The following CUX1 variants were observed in gnomAD, a reference collection of about 807,000 sequenced individuals.
CUX1 encodes protein CASP.
A neutral mutation model predicts 158.8 loss-of-function variants in CUX1; 31 were observed. That is an observed-to-expected ratio of 0.20 (90% CI 0.15 to 0.26). CUX1 has a LOEUF of 0.26. Ranked by LOEUF, CUX1 falls within the 10% of genes least tolerant of loss-of-function variation. The pLI is 1.00. For synonymous variants in CUX1, 879 were observed against 862.1 expected, an observed-to-expected ratio of 1.02 and a Z score of -0.34; for missense variants, 1,589 against 2,014.6, an observed-to-expected ratio of 0.79 and a Z score of 4.04.
At chr7:102,234,279 A>G in intron 22 of CUX1, 39 bp downstream of exon 22, 1 of 1,450,722 alleles carries the variant, frequency 6.9e-7, no homozygotes, top group Non-Finnish European at 9.1e-7. Flanking sequence ...CTGCGTCCGC[A>G]TTCATAGACA....
In CUX1 at chr7:102,202,083, C is replaced by T. The variant is rs782186777; in HGVS notation, c.2786C>T (p.Pro929Leu). The part of the protein sequence containing the change: ...MSKPTKPSVP[P>L]LTPEQYEVYM... ...AAGCCCACCAAGCCCTCGGTCCCCC[C>T]GCTGACCCCCGAGCAGTACGAGGTC... The change falls in exon 18 of 24, where the codon CCG becomes CTG. Residue 929 changes from proline (P) to leucine (L), a missense_variant. Pro to Leu is a moderately conservative substitution (Grantham distance 98). Transcript: ENST00000292535. 46 of 1,614,002 alleles carry T rather than the reference C, an allele frequency of 2.9e-5. No homozygotes were observed. Among genetic ancestry groups the T allele is most frequent in the Admixed American group, 1.2e-4 (7 of 59,986 alleles).
chr7:101,911,717 G>T (rs1195899173), intron 1 of CUX1, among the ~76,000 whole-genome samples: 1 of 152,208 alleles, frequency 6.6e-6, no homozygotes, highest in Non-Finnish European at 1.5e-5. Context: ...ACACCCACTT[G>T]CTGAGTCTAC....
At chr7:101,818,823 G>C (rs1483266121) in intron 1 of CUX1, 1 of 152,220 alleles carries the variant, frequency 6.6e-6, no homozygotes, top group Non-Finnish European at 1.5e-5. Context: ...GATAGTCAGT[G>C]AGTCAATAGA....
At chr7:102,163,910 G>A (rs113570926) in intron 9 of CUX1, among the ~76,000 whole-genome samples, 5 of 152,300 alleles carry the variant, frequency 3.3e-5, no homozygotes, top group Admixed American at 2.0e-4. Context: ...CTCGTTTATT[G>A]CTCAACCACT....
In CUX1 at chr7:102,248,954, G is replaced by A. The variant is rs782486725; in HGVS notation, c.4430G>A (p.Arg1477His). Residue 1477 changes from arginine (R) to histidine (H), a missense_variant, in exon 24 of 24, where the codon CGC becomes CAC. Physicochemically the swap from Arg to His is conservative, Grantham distance 29 (BLOSUM62 0). This residue lies in a region of CUX1 where 344 missense variants were observed against 323.7 expected (regional missense o/e 1.06). Coordinates refer to ENST00000292535, the MANE Select transcript of CUX1 (RefSeq NM_181552.4). This position sits in a 1 kb window ranked among gnomAD's most constrained non-coding sequence, Gnocchi z 5.8. ...GARDSRDNPL[R>H]KKKAANLNSI... The stretch of plus-strand genomic sequence containing the variant: ...CGGGACTCGCGCGACAACCCCCTGC[G>A]CAAGAAGAAGGCCGCGAACTTGAAC... 5 of 1,486,926 alleles carry A rather than the reference G, an allele frequency of 3.4e-6. No homozygotes were observed. In the South Asian group the frequency reaches 5.0e-5, roughly 15 times the overall value. The allele number at this position is 1,486,926 out of a possible 1,614,324, so 92.1% of individuals were successfully genotyped here.
chr7:101,899,837 C>T (rs1023226665), intron 1 of CUX1, among the ~76,000 whole-genome samples: 2 of 152,102 alleles, frequency 1.3e-5, no homozygotes, highest in African/African-American at 4.8e-5. Context: ...AGGGGGCCAT[C>T]GAGCATGGTG....
chr7:102,272,759 A>G (rs1467762525), intron 14 of CUX1, among the ~76,000 whole-genome samples: 1 of 152,136 alleles, frequency 6.6e-6, no homozygotes, highest in Middle Eastern at 3.2e-3. Context: ...GGAGGGAGAG[A>G]CAGACAGGGC....
intron 1 of CUX1, among the ~76,000 whole-genome samples, chr7:101,828,168 C>T (rs923924928): frequency 3.3e-5 from 5 of 151,906 alleles, no homozygotes; most frequent in Non-Finnish European, 7.4e-5. Context: ...TGGGTTTCAC[C>T]GTGTTGGCCA....
intron 1 of CUX1, among the ~76,000 whole-genome samples, chr7:101,911,011 G>A (rs1803368977): frequency 6.6e-6 from 1 of 152,272 alleles, no homozygotes. Context: ...AATCAGTGAG[G>A]AAAACAGGAT....
chr7:102,158,105 C>G (rs1240590026), intron 8 of CUX1, among the ~76,000 whole-genome samples: 1 of 152,024 alleles, frequency 6.6e-6, no homozygotes, highest in Non-Finnish European at 1.5e-5. Flanking sequence ...AGCCTTTCCC[C>G]AGCTCCTCCT....
At chr7:101,971,998 G>C (rs570155176) in intron 2 of CUX1, among the ~76,000 whole-genome samples, 1 of 152,106 alleles carries the variant, frequency 6.6e-6, no homozygotes, top group Non-Finnish European at 1.5e-5. Context: ...ACAGAGTCTC[G>C]CTCTTTCGCC....
At chr7:102,259,266 CCCCTCAG>C (rs1790197183), downstream of CUX1, among the ~76,000 whole-genome samples, 1 of 152,292 alleles carries the variant, frequency 6.6e-6, no homozygotes, top group Admixed American at 6.5e-5. Context: ...AAATGCTGGT[CCCCTCAG>C]ATAGGAGAGG....
chr7:102,239,149 A>G (rs1799900102), intron 22 of CUX1, among the ~76,000 whole-genome samples, 171 bp from the exon 23 acceptor site: 2 of 152,120 alleles, frequency 1.3e-5, no homozygotes, highest in African/African-American at 4.8e-5. Flanking sequence ...GGCCTCCCAA[A>G]GTGCTTGGAT....
intron 4 of CUX1, among the ~76,000 whole-genome samples, chr7:102,082,477 C>T (rs1827531329): frequency 2.0e-5 from 3 of 147,260 alleles, no homozygotes; most frequent in East Asian, 1.9e-4. Flanking sequence ...CAAGATCGCG[C>T]CACTGCACTC....
At chr7:102,035,521 T>C (rs1351291809) in intron 3 of CUX1, among the ~76,000 whole-genome samples, 2 of 151,996 alleles carry the variant, frequency 1.3e-5, no homozygotes, top group Admixed American at 6.6e-5. Flanking sequence ...CTGTCATTTT[T>C]CAAGTGAGCC....
At position 101,975,108 on chromosome 7, in the gene CUX1, G is replaced by A. The variant is rs926854877; in HGVS notation, c.142-52990G>A. On this transcript the variant is annotated intron_variant, in intron 2 of 23. Transcript: ENST00000292535. ...CCCACTAAAAATACAAAACTTAGCC[G>A]GGCGTGATGGGAGGTGCCTGTAATC... 7.9e-5 allele frequency among the ~76,000 whole-genome samples: 12 copies of A among 152,090 alleles called. No individual in the cohort carries two copies. In the South Asian group the frequency reaches 8.3e-4, roughly 11 times the overall value.
chr7:101,949,925 G>A (rs1048501782), intron 2 of CUX1, among the ~76,000 whole-genome samples: 1 of 152,140 alleles, frequency 6.6e-6, no homozygotes, highest in Non-Finnish European at 1.5e-5. Flanking sequence ...TCTTGCCCCT[G>A]ACTCTCAGGA....
At chr7:102,044,851 C>T (rs907936044) in intron 3 of CUX1, among the ~76,000 whole-genome samples, 1 of 152,092 alleles carries the variant, frequency 6.6e-6, no homozygotes, top group African/African-American at 2.4e-5. Flanking sequence ...ACCAGGCACT[C>T]TGGGGACAGG....
intron 8 of CUX1, among the ~76,000 whole-genome samples, chr7:102,126,636 C>T (rs1187362979): frequency 6.6e-6 from 1 of 152,122 alleles, no homozygotes; most frequent in African/African-American, 2.4e-5. Flanking sequence ...GTGCTCAGAA[C>T]ACCCACGTTA....
Sources: gnomAD v4.1 joint callset for allele counts (sites outside exome capture counted in the v4.1 genomes callset) on GRCh38, gnomAD v4.1.1 for gene constraint, gnomAD v4.1.1 regional missense constraint, Gnocchi (gnomAD v3.1) non-coding constraint, MANE v1.5 for transcripts, NCBI Gene and HGNC (gene_info 2026-07-23, HGNC 2026-07-21) for gene names.